CXCL13: variants seen among roughly 807,000 people sequenced by gnomAD.
CXCL13 encodes the protein C-X-C motif chemokine ligand 13.
In CXCL13, 7 loss-of-function variants were observed where a neutral mutation model predicts 12.2. The observed-to-expected ratio is 0.57, with a 90% CI of 0.33 to 1.07. The LOEUF (loss-of-function observed/expected upper bound fraction) is 1.07. CXCL13 is among the 50% of genes least tolerant of loss of function. The pLI, the probability that CXCL13 is intolerant of heterozygous loss-of-function variation, is 0.04. For synonymous variants in CXCL13, 47 were observed against 42.4 expected (o/e 1.11, Z -0.42); for missense variants, 113 against 127.4 (o/e 0.89, Z 0.55).
intron 1 of CXCL13, among the ~76,000 whole-genome samples, chr4:77,565,484 A>G (rs1238018868): frequency 6.6e-6 from 1 of 152,206 alleles, no homozygotes; most frequent in Non-Finnish European, 1.5e-5. Flanking sequence ...TTCTCACTTA[A>G]GAACAGTTTT....
chr4:77,519,322 C>T (rs2110079242), intron 1 of CXCL13, among the ~76,000 whole-genome samples: 1 of 152,292 alleles, frequency 6.6e-6, no homozygotes, highest in East Asian at 1.9e-4. Context: ...CTCTTCAAAG[C>T]TCAGATGGAA....
At chr4:77,522,437 G>A (rs1724631996) in intron 1 of CXCL13, among the ~76,000 whole-genome samples, 1 of 142,816 alleles carries the variant, frequency 7.0e-6, no homozygotes, top group Admixed American at 7.1e-5. Context: ...TATCCATTAT[G>A]TAATGGCCTT....
intron 1 of CXCL13, among the ~76,000 whole-genome samples, chr4:77,545,785 T>C (rs1169841034): frequency 6.6e-6 from 1 of 152,208 alleles, no homozygotes; most frequent in African/African-American, 2.4e-5. Context: ...CAACACTATG[T>C]TGAATAGGAG....
intron 1 of CXCL13, among the ~76,000 whole-genome samples, chr4:77,545,058 G>A (rs1320514707): frequency 6.6e-6 from 1 of 152,154 alleles, no homozygotes; most frequent in Non-Finnish European, 1.5e-5. Flanking sequence ...GATGGTTGTA[G>A]ATGTGTGGTA....
In CXCL13 at chr4:77,519,488, A is replaced by C. The variant is rs573361577; in HGVS notation, c.-43+7700A>C. 3.2e-3 allele frequency among the ~76,000 whole-genome samples: 488 copies of C among 152,012 alleles called. 2 individuals are homozygous for C. Among genetic ancestry groups the C allele is most frequent in the Non-Finnish European group, 4.3e-3 (295 of 67,974 alleles). On this transcript the variant is annotated intron_variant, in intron 1 of 4. Coordinates refer to the CXCL13 transcript ENST00000286758. ...GACCAGTGATGATGAGCATTTTTTC[A>C]TGTGTCTGTTGGCTGCATAAATGTC... is the stretch of plus-strand genomic sequence containing the variant.
At chr4:77,540,296 G>A (rs1294517330) in intron 1 of CXCL13, among the ~76,000 whole-genome samples, 1 of 152,124 alleles carries the variant, frequency 6.6e-6, no homozygotes, top group Non-Finnish European at 1.5e-5. Flanking sequence ...GAGAGTACAT[G>A]TGCAGGTTTG....
At chr4:77,566,138 A>T (rs1725920034) in intron 1 of CXCL13, among the ~76,000 whole-genome samples, 1 of 152,230 alleles carries the variant, frequency 6.6e-6, no homozygotes, top group Non-Finnish European at 1.5e-5. Flanking sequence ...TATACATATA[A>T]TTCTAATAAA....
intron 1 of CXCL13, among the ~76,000 whole-genome samples, chr4:77,557,034 A>AAG (rs145165710): frequency 2.2e-4 from 33 of 151,704 alleles, no homozygotes; most frequent in Admixed American, 1.7e-3. Context: ...TAAAAAATAA[A>AAG]AGAGAGAGAG....
intron 1 of CXCL13, among the ~76,000 whole-genome samples, chr4:77,595,746 A>T (rs1006306278): frequency 6.6e-6 from 1 of 152,176 alleles, no homozygotes; most frequent in Non-Finnish European, 1.5e-5. Context: ...CAAAAGCATC[A>T]CTGCTGTCCT....
At chr4:77,512,458 A>G (rs1724299911) in intron 1 of CXCL13, among the ~76,000 whole-genome samples, 1 of 152,220 alleles carries the variant, frequency 6.6e-6, no homozygotes, top group African/African-American at 2.4e-5. Flanking sequence ...TGGAGGCTAG[A>G]AATCCAAGAT....
intron 1 of CXCL13, among the ~76,000 whole-genome samples, chr4:77,542,436 TGA>T (rs753112460): frequency 1.4e-4 from 21 of 152,098 alleles, no homozygotes; most frequent in Admixed American, 2.6e-4. Flanking sequence ...TTGGTCTAAT[TGA>T]GAGTTTTTTC....
chr4:77,588,922 A>G (rs1726543904), intron 1 of CXCL13, among the ~76,000 whole-genome samples: 1 of 152,204 alleles, frequency 6.6e-6, no homozygotes, highest in Non-Finnish European at 1.5e-5. Flanking sequence ...TTTTATGACT[A>G]CCAGAAATGA....
intron 1 of CXCL13, among the ~76,000 whole-genome samples, chr4:77,580,960 C>CA (rs148837700): frequency 0.055 from 8,223 of 149,012 alleles, 742 homozygotes; most frequent in African/African-American, 0.19. Context: ...AAAACAAAAA[C>CA]AAAAAAAAAC....
At chr4:77,579,198 G>T (rs1023264608) in intron 1 of CXCL13, among the ~76,000 whole-genome samples, 2 of 152,186 alleles carry the variant, frequency 1.3e-5, no homozygotes, top group Non-Finnish European at 2.9e-5. Context: ...CTCACTGAAG[G>T]CACCCACATT....
Position 77,518,663 on chromosome 4 carries a change from T to C in CXCL13, c.-43+6875T>C, listed in dbSNP as rs532268614. On this transcript the variant is annotated intron_variant, in intron 1 of 4. Coordinates refer to the CXCL13 transcript ENST00000286758. ...AGCTTCATCAGCTCCTTTAAGCACT[T>C]CTCTATATTGGTTATTCTAGTTATA... Among the ~76,000 whole-genome samples, 12 of 152,300 alleles carry C rather than the reference T, an allele frequency of 7.9e-5. No individual in the cohort carries two copies. The East Asian group carries it at 2.1e-3, about 27-fold the overall frequency.
At chr4:77,556,334 C>T (rs1320313226) in intron 1 of CXCL13, among the ~76,000 whole-genome samples, 10 of 151,048 alleles carry the variant, frequency 6.6e-5, no homozygotes, top group Non-Finnish European at 1.5e-4. Context: ...GTGAAGGAAG[C>T]CAGACACAAA....
In CXCL13 at chr4:77,557,492, C is replaced by T. The variant is rs148798464; in HGVS notation, c.-43+45704C>T. ...TTTATTTTACTCATGTAGATGGAAT[C>T]ATACCCTTCTTGGCTGCCCTTCTAG... is the stretch of plus-strand genomic sequence containing the variant. On this transcript the variant is annotated intron_variant, in intron 1 of 4. Transcript: ENST00000286758. Among the ~76,000 whole-genome samples, 406 of 152,338 alleles carry T rather than the reference C, an allele frequency of 2.7e-3. 4 individuals are homozygous for T. The highest frequency in any genetic ancestry group is 9.2e-3 in the African/African-American group (384 of 41,578).
chr4:77,544,432 C>T (rs1169233431), intron 1 of CXCL13, among the ~76,000 whole-genome samples: 20 of 152,024 alleles, frequency 1.3e-4, no homozygotes, highest in African/African-American at 3.4e-4. Flanking sequence ...TTTTAATGAT[C>T]ACTATTCTAA....
In CXCL13 at chr4:77,571,998, C is replaced by A. The variant is rs553844270; in HGVS notation, c.-42-33826C>A. 2.0e-5 allele frequency among the ~76,000 whole-genome samples: 3 copies of A among 151,898 alleles called. No individual in the cohort carries two copies. The South Asian group carries it at 6.2e-4, about 31-fold the overall frequency. ...ACTCCTGAGCCAGCAAGACCACGAA[C>A]CCACCAGAAGAAAGAAACTCCGAAC... On this transcript the variant is annotated intron_variant, in intron 1 of 4. Transcript: ENST00000286758.
Sources: gnomAD v4.1 joint callset for allele counts (sites outside exome capture counted in the v4.1 genomes callset) on GRCh38, gnomAD v4.1.1 for gene constraint, MANE v1.5 for transcripts, NCBI Gene and HGNC (gene_info 2026-07-23, HGNC 2026-07-21) for gene names.